Variants in SNX30 observed in about 807,000 individuals in gnomAD.
The protein encoded by SNX30 is sorting nexin family member 30, also known as sorting nexin-30.
A neutral mutation model predicts 46.4 loss-of-function variants in SNX30; 24 were observed. The observed-to-expected ratio is 0.52, with a 90% confidence interval of 0.37 to 0.73. The LOEUF is 0.73. Ranked by LOEUF, SNX30 falls within the 30% of genes least tolerant of loss-of-function variation. The pLI, the probability that SNX30 is intolerant of heterozygous loss-of-function variation, is 0.00. For missense variants in SNX30, 533 were observed against 555.7 expected (o/e 0.96, Z 0.41); for synonymous variants, 189 against 211.5 (o/e 0.89, Z 0.92).
chr9:112,778,397 C>G (rs1839783926), intron 1 of SNX30, among the ~76,000 whole-genome samples: 1 of 151,442 alleles, frequency 6.6e-6, no homozygotes, highest in African/African-American at 2.4e-5. Context: ...CTCAGCCTCT[C>G]GAGTAGCTGG....
At chr9:112,759,733 A>C (rs1221234128) in intron 1 of SNX30, among the ~76,000 whole-genome samples, 1 of 152,012 alleles carries the variant, frequency 6.6e-6, no homozygotes, top group African/African-American at 2.4e-5. Context: ...ATCTCAAAAA[A>C]AAAAAAAAAA....
intron 1 of SNX30, among the ~76,000 whole-genome samples, chr9:112,775,095 C>T (rs904817368): frequency 6.6e-6 from 1 of 151,094 alleles, no homozygotes. Flanking sequence ...ATATGCCTGC[C>T]TCCCAAAGTG....
At position 112,871,035 on chromosome 9, in the gene SNX30, G is replaced by A. The variant is rs1841436367; in HGVS notation, c.*2192G>A. Reference sequence around the variant, plus strand: ...GTTCCTCACTGGGAGATGTGGGAAGGGGCGTGGGACGCACGCGGTCACTCC... The same window carrying A: ...GTTCCTCACTGGGAGATGTGGGAAGAGGCGTGGGACGCACGCGGTCACTCC... On this transcript the variant is annotated 3_prime_UTR_variant, in exon 9 of 9. Coordinates refer to ENST00000374232, the MANE Select transcript of SNX30 (RefSeq NM_001012994.2). The A allele has an allele frequency of 6.6e-6, 1 of 152,236 alleles. No individual in the cohort carries two copies. The highest frequency in any genetic ancestry group is 1.5e-5 in the Non-Finnish European group (1 of 68,054). The allele number at this position is 152,236 out of a possible 1,614,324, so 9.4% of individuals were successfully genotyped here.
At chr9:112,850,122 C>T (rs1333013163) in intron 6 of SNX30, among the ~76,000 whole-genome samples, 2 of 152,196 alleles carry the variant, frequency 1.3e-5, no homozygotes, top group African/African-American at 2.4e-5. Context: ...TGTCTCCTTA[C>T]ATTTTGCACC....
In SNX30 at chr9:112,838,671, T is replaced by C; in HGVS notation, c.988T>C (p.Tyr330His). The C allele has an allele frequency of 6.2e-7, 1 of 1,614,110 alleles. No homozygotes were observed. Among genetic ancestry groups the C allele is most frequent in the Non-Finnish European group, 8.5e-7 (1 of 1,179,968 alleles). ...TEDFLPVLRE[Y>H]ILYSDSMKSV... ...AGACTTCCTACCTGTGCTCAGGGAATATATTTTATACTCTGACTCCATGAA... is the reference window on the plus strand; with the variant it reads ...AGACTTCCTACCTGTGCTCAGGGAACATATTTTATACTCTGACTCCATGAA... Residue 330 changes from tyrosine (Y) to histidine (H), a missense_variant, in exon 6 of 9, where the codon TAT becomes CAT. Physicochemically the swap from Tyr to His is moderately conservative, Grantham distance 83. Transcript: ENST00000374232.
intron 4 of SNX30, among the ~76,000 whole-genome samples, chr9:112,833,597 G>A (rs1168921042): frequency 6.6e-6 from 1 of 152,238 alleles, no homozygotes; most frequent in Non-Finnish European, 1.5e-5. Context: ...CTTTGGCAGA[G>A]TGGGTACAGC....
At chr9:112,813,674 A>G (rs999116708) in intron 2 of SNX30, among the ~76,000 whole-genome samples, 2 of 151,790 alleles carry the variant, frequency 1.3e-5, no homozygotes, top group African/African-American at 2.4e-5. Flanking sequence ...GGGTTTCACC[A>G]TGTTGGCCAG....
intron 2 of SNX30, among the ~76,000 whole-genome samples, chr9:112,812,318 C>A (rs1027003910): frequency 1.3e-5 from 2 of 152,060 alleles, no homozygotes; most frequent in African/African-American, 4.8e-5. Context: ...TGTAGTGATG[C>A]GATCTCGGCT....
Position 112,838,484 on chromosome 9 carries a change from T to C in SNX30, c.815-14T>C, listed in dbSNP as rs1295190390. The C allele has an allele frequency of 6.3e-7, 1 of 1,594,278 alleles. No individual in the cohort carries two copies. Among genetic ancestry groups the C allele is most frequent in the Non-Finnish European group, 8.6e-7 (1 of 1,168,766 alleles). On this transcript the variant is annotated splice_polypyrimidine_tract_variant and intron_variant, in intron 5 of 8. Transcript: ENST00000374232. Reference sequence around the variant, plus strand: ...ACCCAGCCAGATTTTAATTAGTTTCTGTTCCCTGTTCAGAGTACCTTGTGG... The same window carrying C: ...ACCCAGCCAGATTTTAATTAGTTTCCGTTCCCTGTTCAGAGTACCTTGTGG...
At chr9:112,778,887 A>C (rs1839795288) in intron 1 of SNX30, among the ~76,000 whole-genome samples, 1 of 49,394 alleles carries the variant, frequency 2.0e-5, no homozygotes, top group South Asian at 1.1e-3. Context: ...ATGATGAGAG[A>C]ACTTGGGGGG....
intron 6 of SNX30, among the ~76,000 whole-genome samples, chr9:112,841,971 T>C (rs1303210152): frequency 3.9e-5 from 6 of 152,162 alleles, no homozygotes; most frequent in African/African-American, 1.2e-4. Flanking sequence ...GGAGATGGAC[T>C]CTTGCTCTGT....
chr9:112,763,360 CTTTTT>C (rs751720343), intron 1 of SNX30, among the ~76,000 whole-genome samples: 1 of 47,588 alleles, frequency 2.1e-5, no homozygotes, highest in African/African-American at 9.6e-5. Context: ...GCTATTTAAA[CTTTTT>C]TTTTTTTTTT....
At position 112,868,817 on chromosome 9, in the gene SNX30, C is replaced by T; in HGVS notation, c.1288C>T (p.Leu430=). 3 of 1,614,128 alleles carry T rather than the reference C, an allele frequency of 1.9e-6. No individual in the cohort carries two copies. Among genetic ancestry groups the T allele is most frequent in the South Asian group, 1.1e-5 (1 of 91,078 alleles). ...LMAWESIIPL[L]QEKQEAK is the part of the protein sequence containing the mutation. ...GGCGTGGGAGTCGATTATTCCACTA[C>T]TGCAGGAGAAACAAGAGGCCAAGTA... The change falls in exon 9 of 9, where the codon CTG becomes TTG. Residue 430 remains leucine, a synonymous_variant. Coordinates refer to ENST00000374232, the MANE Select transcript of SNX30 (RefSeq NM_001012994.2).
At chr9:112,868,391 C>T (rs1294848404) in intron 8 of SNX30, among the ~76,000 whole-genome samples, 1 of 152,188 alleles carries the variant, frequency 6.6e-6, no homozygotes, top group Non-Finnish European at 1.5e-5. Flanking sequence ...TGCATAAGCG[C>T]CACCCACACC....
intron 1 of SNX30, among the ~76,000 whole-genome samples, chr9:112,759,980 T>A (rs923391975): frequency 6.6e-6 from 1 of 152,178 alleles, no homozygotes; most frequent in African/African-American, 2.4e-5. Flanking sequence ...TGTTATTCCT[T>A]GATATTGTAC....
At chr9:112,864,801 G>A (rs1268984401) in intron 8 of SNX30, among the ~76,000 whole-genome samples, 1 of 152,004 alleles carries the variant, frequency 6.6e-6, no homozygotes. Context: ...GAACCCCTTT[G>A]GTCATCTGGT....
At chr9:112,821,632 G>A (rs1318752891) in intron 3 of SNX30, among the ~76,000 whole-genome samples, 4 of 150,816 alleles carry the variant, frequency 2.7e-5, no homozygotes, top group Admixed American at 6.6e-5. Flanking sequence ...GACTACAGGC[G>A]CCCGCCACCA....
chr9:112,776,213 T>G lies in SNX30; in HGVS notation c.156+25056T>G, dbSNP rs545196752. On this transcript the variant is annotated intron_variant, in intron 1 of 8. Coordinates refer to ENST00000374232, the MANE Select transcript of SNX30 (RefSeq NM_001012994.2). ...TCTGGAGAAAGCACTTATGGATATC[T>G]GAGTTTTGGTCTGTCCTTTTTTAGG... 2.6e-5 allele frequency among the ~76,000 whole-genome samples: 4 copies of G among 152,350 alleles called. No homozygotes were observed. In the South Asian group the frequency reaches 8.3e-4, roughly 32 times the overall value.
chr9:112,855,331 G>T (rs1293548290), intron 7 of SNX30, among the ~76,000 whole-genome samples: 1 of 152,176 alleles, frequency 6.6e-6, no homozygotes, highest in Middle Eastern at 3.2e-3. Flanking sequence ...TCAGGGGACT[G>T]TCTCAGGAGT....
Sources: allele counts gnomAD v4.1 joint callset (sites outside exome capture counted in the v4.1 genomes callset), GRCh38; gene constraint gnomAD v4.1.1; transcripts MANE v1.5; gene names NCBI Gene and HGNC (gene_info 2026-07-23, HGNC 2026-07-21).